CDK11A: variants seen among roughly 807,000 people sequenced by gnomAD.
The protein encoded by CDK11A is cyclin-dependent kinase 11A.
CDK11A carries 55 observed loss-of-function variants against 83.6 expected under a neutral mutation model. The ratio of observed to expected loss-of-function variants is 0.66; its 90% CI spans 0.53 to 0.82. The LOEUF is 0.82. Ranked by LOEUF, CDK11A falls within the 40% of genes least tolerant of loss-of-function variation. The probability of loss-of-function intolerance (pLI) is 0.00; values close to 1 mark genes in which losing one functional copy is unlikely to be tolerated. For synonymous variants in CDK11A, 247 were observed against 302.7 expected (o/e 0.82, Z 1.91); for missense variants, 564 against 810.1 (o/e 0.70, Z 3.69).
At position 1,704,817 on chromosome 1, in the gene CDK11A, T is replaced by C. The variant is rs1408466662; in HGVS notation, c.1458+87A>G. 5.0e-6 allele frequency: 8 copies of C among 1,602,166 alleles called. 1 individual carries two copies. The highest frequency in any genetic ancestry group is 1.7e-5 in the Admixed American group (1 of 59,522). On this transcript the variant is annotated intron_variant, in intron 13 of 19. Coordinates refer to ENST00000404249, the MANE Select transcript of CDK11A (RefSeq NM_024011.4). ...AAGGGCTCCACTAAGTGCAGGAGAG[T>C]GTAGGAAGCACCCGGCCCCAGGACA...
rs1644604426 is a variant in CDK11A, at chr1:1,715,552, C to T, written c.488+794G>A. On this transcript the variant is annotated intron_variant, in intron 5 of 19. Coordinates refer to ENST00000404249, the MANE Select transcript of CDK11A (RefSeq NM_024011.4). ...AACCTTGCTCACCCAGCAGCGGTCT[C>T]GGACCTTGACCCCTGGGCCTCAGTG... Among the ~76,000 whole-genome samples the T allele has an allele frequency of 2.0e-5, 3 of 147,246 alleles. 1 individual carries two copies. The South Asian group carries it at 6.6e-4, about 32-fold the overall frequency.
At chr1:1,722,084 G>A (rs906889078) in intron 2 of CDK11A, among the ~76,000 whole-genome samples, 3 of 150,824 alleles carry the variant, frequency 2.0e-5, no homozygotes, top group Non-Finnish European at 4.4e-5. Flanking sequence ...CTGGCCCTGG[G>A]CGACAGTGCG....
At chr1:1,717,644 T>G (rs1248366748) in intron 4 of CDK11A, among the ~76,000 whole-genome samples, 6 of 46,114 alleles carry the variant, frequency 1.3e-4, no homozygotes, top group Admixed American at 6.1e-4. Context: ...TTTCGGTCTG[T>G]GACACACGCA....
In CDK11A at chr1:1,704,406, G is replaced by A. The variant is rs945229825; in HGVS notation, c.1565-62C>T. On this transcript the variant is annotated intron_variant, in intron 14 of 19. Transcript: ENST00000404249. ...CCCCAAGCCCAGGGCACTCAGGGTG[G>A]CCCGCTCGCCTCGGCAGCAACAGAG... The A allele has an allele frequency of 2.8e-5, 44 of 1,592,396 alleles. 1 individual carries two copies. Among genetic ancestry groups the A allele is most frequent in the African/African-American group, 4.0e-5 (3 of 74,184 alleles).
At position 1,704,616 on chromosome 1, in the gene CDK11A, C is replaced by T. The variant is rs749952146; in HGVS notation, c.1498G>A (p.Val500Met). The T allele has an allele frequency of 2.3e-5, 36 of 1,599,986 alleles. No homozygotes were observed. The highest frequency in any genetic ancestry group is 1.7e-4 in the South Asian group (15 of 89,246). Residue 500 changes from valine (V) to methionine (M), a missense_variant, in exon 14 of 20, where the codon GTG (valine) becomes ATG (methionine). Physicochemically the swap from Val to Met is conservative, Grantham distance 21 (BLOSUM62 1). This residue lies in a region of CDK11A where 361 missense variants were observed against 402.7 expected (regional missense o/e 0.90). Transcript: ENST00000404249. Reference protein sequence around the residue: ...VGSNMDKIYIVMNYVEHDLKS... With the variant: ...VGSNMDKIYIMMNYVEHDLKS... ...AGGTCGTGCTCCACGTAGTTCATCA[C>T]GATGTAGATCTTGTCCATGTTGCTG...
intron 13 of CDK11A, 56 bp from the exon 14 acceptor site, chr1:1,704,711 C>T: frequency 6.3e-7 from 1 of 1,597,454 alleles, no homozygotes; most frequent in Non-Finnish European, 8.5e-7. Flanking sequence ...CCCACCCCTG[C>T]ACCCGGGCGC....
intron 15 of CDK11A, 27 bp downstream of exon 15, chr1:1,704,196 G>A (rs1644211477): frequency 1.2e-5 from 20 of 1,608,246 alleles, no homozygotes; most frequent in Non-Finnish European, 1.7e-5. Flanking sequence ...GGTCACCCTG[G>A]GATGGGCCAC....
At chr1:1,720,523 G>T (rs4648776) in intron 3 of CDK11A, among the ~76,000 whole-genome samples, 3 of 149,898 alleles carry the variant, frequency 2.0e-5, no homozygotes, top group Middle Eastern at 3.4e-3. Flanking sequence ...CTCAGCCTCC[G>T]GAGTAGCTGG....
rs1644125195 is a variant in CDK11A at position 1,702,487 on chromosome 1, CTG to C, written c.*418_*419del. Among the ~76,000 whole-genome samples the C allele has an allele frequency of 1.6e-5, 2 of 121,244 alleles. No homozygotes were observed. The highest frequency in any genetic ancestry group is 3.7e-5 in the Non-Finnish European group (2 of 53,768). The allele number at this position is 121,244 out of a possible 152,430, so 79.5% of individuals were successfully genotyped here. ...GGGCTGGGGGTTGGGGGCCGGGGGCCTGTGTGGACAGGGCTGGTCTGGACGAG... is the reference window on the plus strand; with the variant it reads ...GGGCTGGGGGTTGGGGGCCGGGGGCCTGTGGACAGGGCTGGTCTGGACGAG... On this transcript the variant is annotated 3_prime_UTR_variant, in exon 20 of 20. Coordinates refer to ENST00000404249, the MANE Select transcript of CDK11A (RefSeq NM_024011.4).
rs1194703644 is a variant in CDK11A, at chr1:1,721,361, T to C, written c.227+235A>G. 2.7e-5 allele frequency among the ~76,000 whole-genome samples: 4 copies of C among 150,732 alleles called. 1 individual carries two copies. Among genetic ancestry groups the C allele is most frequent in the Non-Finnish European group, 5.9e-5 (4 of 67,554 alleles). ...GTTAAAACAGCACACCCCGTCACAG[T>C]AGCCCTAGGAAAGAGTAAACCTCAA... On this transcript the variant is annotated intron_variant, in intron 3 of 19. Coordinates refer to ENST00000404249, the MANE Select transcript of CDK11A (RefSeq NM_024011.4).
chr1:1,721,450 C>G, intron 3 of CDK11A, 146 bp downstream of exon 3: 1 of 892,808 alleles, frequency 1.1e-6, no homozygotes, highest in East Asian at 2.8e-5. Flanking sequence ...AGTACAACAG[C>G]TACAACACGC....
intron 11 of CDK11A, among the ~76,000 whole-genome samples, chr1:1,706,159 A>G (rs1318500200): frequency 6.8e-6 from 1 of 147,228 alleles, no homozygotes; most frequent in Non-Finnish European, 1.5e-5. Context: ...TGCAACCTCC[A>G]CCTCCTGGGT....
chr1:1,721,550 C>T (rs1247601234), intron 3 of CDK11A, 46 bp downstream of exon 3: 3 of 1,584,470 alleles, frequency 1.9e-6, no homozygotes, highest in East Asian at 4.5e-5. Flanking sequence ...CTGGCCAGGC[C>T]AGGGCTGTGT....
intron 4 of CDK11A, among the ~76,000 whole-genome samples, chr1:1,717,627 C>T (rs1210378756): frequency 2.6e-4 from 11 of 42,754 alleles, no homozygotes; most frequent in East Asian, 1.8e-3. Context: ...AGTTTGCTCT[C>T]TCTGGTTTTC....
intron 4 of CDK11A, among the ~76,000 whole-genome samples, chr1:1,718,673 C>T (rs1340858029): frequency 7.3e-6 from 1 of 136,554 alleles, no homozygotes; most frequent in Non-Finnish European, 1.5e-5. Context: ...CTTGCTCTGT[C>T]GCCCAGGCTA....
At position 1,708,109 on chromosome 1, in the gene CDK11A, C is replaced by T. The variant is rs1466263633; in HGVS notation, c.1069+71G>A. 7.6e-6 allele frequency: 12 copies of T among 1,586,606 alleles called. 1 individual carries two copies. The highest frequency in any genetic ancestry group is 1.0e-5 in the Non-Finnish European group (12 of 1,164,496). Reference sequence around the variant, plus strand: ...CGTGCCCCACGCCGCGCAGGACCGGCTGTCTTAGGAGAGGGCTGCTGCACT... The same window carrying T: ...CGTGCCCCACGCCGCGCAGGACCGGTTGTCTTAGGAGAGGGCTGCTGCACT... On this transcript the variant is annotated intron_variant, in intron 10 of 19. Coordinates refer to ENST00000404249, the MANE Select transcript of CDK11A (RefSeq NM_024011.4).
chr1:1,704,706 C>A, intron 13 of CDK11A, 51 bp from the exon 14 acceptor site: 1 of 1,596,754 alleles, frequency 6.3e-7, no homozygotes, highest in Admixed American at 1.7e-5. Context: ...CCCCACCCAC[C>A]CCTGCACCCG....
intron 1 of CDK11A, among the ~76,000 whole-genome samples, chr1:1,723,513 A>AG (rs1644989886): frequency 1.6e-5 from 1 of 60,852 alleles, no homozygotes; most frequent in African/African-American, 4.3e-5. Flanking sequence ...AAAAAAAAAA[A>AG]AAAAAAAAAA....
intron 11 of CDK11A, among the ~76,000 whole-genome samples, chr1:1,706,839 A>G: frequency 6.7e-6 from 1 of 150,180 alleles, no homozygotes; most frequent in African/African-American, 2.5e-5. Flanking sequence ...CTCTCCGCCC[A>G]CAGGCACCAA....
Sources: gnomAD v4.1 joint callset for allele counts (sites outside exome capture counted in the v4.1 genomes callset) on GRCh38, gnomAD v4.1.1 for gene constraint, gnomAD v4.1.1 regional missense constraint, MANE v1.5 for transcripts, NCBI Gene and HGNC (gene_info 2026-07-23, HGNC 2026-07-21) for gene names.